TBC1D12: variants seen among roughly 807,000 people sequenced by gnomAD.
TBC1D12 encodes TBC1 domain family member 12, also known as TBC1 domain family, member 12.
A neutral mutation model predicts 86.7 loss-of-function variants in TBC1D12; 56 were observed. The ratio of observed to expected loss-of-function variants is 0.65; its 90% CI spans 0.52 to 0.81. The LOEUF is 0.81. Among genes scored for constraint, TBC1D12 ranks in the 30% least tolerant of loss-of-function variants. The pLI, the probability that TBC1D12 is intolerant of heterozygous loss-of-function variation, is 0.00. For synonymous variants in TBC1D12, 421 were observed against 411.7 expected (o/e 1.02, Z -0.27); for missense variants, 1,023 against 1,038.8 (o/e 0.98, Z 0.21).
At chr10:94,428,750 G>C (rs891219271) in intron 1 of TBC1D12, among the ~76,000 whole-genome samples, 1 of 149,628 alleles carries the variant, frequency 6.7e-6, no homozygotes, top group African/African-American at 2.5e-5. Context: ...TCTCACTGTT[G>C]CCCAGGCTGG....
chr10:94,506,637 C>T (rs2056463829), intron 6 of TBC1D12, among the ~76,000 whole-genome samples: 1 of 152,136 alleles, frequency 6.6e-6, no homozygotes, highest in Non-Finnish European at 1.5e-5. Flanking sequence ...AGTGCCGTGA[C>T]TAGGCACTTA....
intron 2 of TBC1D12, among the ~76,000 whole-genome samples, chr10:94,449,967 T>A (rs2055525540): frequency 6.6e-6 from 1 of 152,192 alleles, no homozygotes; most frequent in Admixed American, 6.5e-5. Context: ...GGCATCAAAG[T>A]GTGGTAGAAT....
rs1230769638 is a variant in TBC1D12, at chr10:94,511,577, C to G, written c.1690-6C>G. 1 of 1,598,264 alleles carries G rather than the reference C, an allele frequency of 6.3e-7. No individual in the cohort carries two copies. Among genetic ancestry groups the G allele is most frequent in the Non-Finnish European group, 8.6e-7 (1 of 1,166,796 alleles). ...ACAGTTTCAAATTTCATTTTTCTCT[C>G]CTAAGGGTGGTCCATATCATGATGT... On this transcript the variant is annotated splice_region_variant and splice_polypyrimidine_tract_variant and intron_variant, in intron 8 of 12. Coordinates refer to ENST00000225235, the MANE Select transcript of TBC1D12 (RefSeq NM_015188.2).
chr10:94,442,668 A>G (rs952116707), intron 2 of TBC1D12, among the ~76,000 whole-genome samples: 4 of 152,226 alleles, frequency 2.6e-5, no homozygotes, highest in Admixed American at 1.3e-4. Flanking sequence ...GACTGGATCA[A>G]TCTGCAGTGT....
chr10:94,443,892 G>T (rs1041149652), intron 2 of TBC1D12, among the ~76,000 whole-genome samples: 77 of 152,312 alleles, frequency 5.1e-4, no homozygotes, highest in Non-Finnish European at 9.7e-4. Flanking sequence ...GAATGAGGCC[G>T]AGTATAGTGG....
At position 94,447,072 on chromosome 10, in the gene TBC1D12, A is replaced by AC. The variant is rs1161693121; in HGVS notation, c.1095+5053_1095+5054insC. On this transcript the variant is annotated intron_variant, in intron 2 of 12. Transcript: ENST00000225235. The stretch of plus-strand genomic sequence containing the variant: ...TGAGCTGTTTCAAAAAAAAAAAAAA[A>AC]AAAACCTTTTTTATGTATTATTAGT... Among the ~76,000 whole-genome samples, 23 of 151,886 alleles carry AC rather than the reference A, an allele frequency of 1.5e-4. 1 individual carries two copies. The South Asian group carries it at 3.5e-3, about 23-fold the overall frequency.
rs536319776 is a variant in TBC1D12, at chr10:94,500,478, G to A, written c.1519+151G>A. The A allele has an allele frequency of 1.3e-4, 67 of 503,788 alleles. No homozygotes were observed. In the South Asian group the frequency reaches 3.2e-3, roughly 24 times the overall value. The allele number at this position is 503,788 out of a possible 1,614,324, so 31.2% of individuals were successfully genotyped here. Reference sequence around the variant, plus strand: ...TGCTTCATCCCCCTGTTATGAAGCAGGTTATTAAACCTGTTATGATTTAAT... The same window carrying A: ...TGCTTCATCCCCCTGTTATGAAGCAAGTTATTAAACCTGTTATGATTTAAT... On this transcript the variant is annotated intron_variant, in intron 6 of 12. Transcript: ENST00000225235.
At chr10:94,458,970 G>C (rs139920655) in intron 2 of TBC1D12, among the ~76,000 whole-genome samples, 1 of 152,112 alleles carries the variant, frequency 6.6e-6, no homozygotes, top group Non-Finnish European at 1.5e-5. Context: ...CTTCCACAGC[G>C]TGGAAGGGGA....
At chr10:94,516,310 A>G (rs1277186466) in intron 9 of TBC1D12, among the ~76,000 whole-genome samples, 1 of 152,210 alleles carries the variant, frequency 6.6e-6, no homozygotes, top group Non-Finnish European at 1.5e-5. Context: ...TATTACAATT[A>G]TTAGTATAAC....
intron 4 of TBC1D12, among the ~76,000 whole-genome samples, chr10:94,494,279 C>T (rs1425797119): frequency 6.6e-6 from 1 of 152,090 alleles, no homozygotes; most frequent in African/African-American, 2.4e-5. Context: ...CAGCTGTATA[C>T]ATTTTTAGAC....
chr10:94,408,291 C>T (rs779586788), intron 1 of TBC1D12, among the ~76,000 whole-genome samples: 77 of 152,002 alleles, frequency 5.1e-4, no homozygotes, highest in Admixed American at 2.8e-3. Context: ...AGAAAATTGA[C>T]TTTATAGATT....
intron 1 of TBC1D12, among the ~76,000 whole-genome samples, chr10:94,441,498 T>C (rs1473911995): frequency 6.6e-6 from 1 of 152,216 alleles, no homozygotes; most frequent in African/African-American, 2.4e-5. Context: ...ATCTTATTTA[T>C]GGCTATCATT....
At chr10:94,531,830 TTA>T (rs1298745742) in intron 12 of TBC1D12, among the ~76,000 whole-genome samples, 1 of 148,126 alleles carries the variant, frequency 6.8e-6, no homozygotes, top group African/African-American at 2.5e-5. Flanking sequence ...TTATTTTATT[TTA>T]TGTTATTTTA....
chr10:94,525,010 A>G (rs1842249899), intron 11 of TBC1D12, among the ~76,000 whole-genome samples: 1 of 151,966 alleles, frequency 6.6e-6, no homozygotes, highest in African/African-American at 2.4e-5. Context: ...TGAAATTTTG[A>G]TAGGCTTGAG....
At chr10:94,413,538 C>T (rs2054955281) in intron 1 of TBC1D12, among the ~76,000 whole-genome samples, 1 of 152,156 alleles carries the variant, frequency 6.6e-6, no homozygotes, top group Non-Finnish European at 1.5e-5. Flanking sequence ...TTCAGCCTTT[C>T]TTATGCTTCT....
At chr10:94,480,772 G>A (rs1463064850) in intron 3 of TBC1D12, among the ~76,000 whole-genome samples, 1 of 151,320 alleles carries the variant, frequency 6.6e-6, no homozygotes, top group African/African-American at 2.4e-5. Flanking sequence ...AGCTACTTGG[G>A]AGGCTGAGGT....
Position 94,402,843 on chromosome 10 carries a change from C to A in TBC1D12, c.230C>A (p.Ala77Asp). The A allele has an allele frequency of 6.5e-7, 1 of 1,536,082 alleles. No homozygotes were observed. The highest frequency in any genetic ancestry group is 1.4e-5 in the African/African-American group (1 of 71,908). Residue 77 changes from alanine to aspartate, a missense_variant, in exon 1 of 13, where the codon GCC becomes GAC. This residue lies in a region of TBC1D12 where 628 missense variants were observed against 531.1 expected (regional missense o/e 1.18). Transcript: ENST00000225235. ...CTCCTTCAGCGTTACCTCGCGGCGG[C>A]CGGGGAGCAGCTGGAGCCGGGGCTC... is the stretch of plus-strand genomic sequence containing the variant. ...RQLLQRYLAA[A>D]GEQLEPGLCY...
At chr10:94,515,989 C>G (rs1418116309) in intron 9 of TBC1D12, among the ~76,000 whole-genome samples, 1 of 152,142 alleles carries the variant, frequency 6.6e-6, no homozygotes, top group Non-Finnish European at 1.5e-5. Context: ...ATTTTACCAC[C>G]CTATTTAGAA....
chr10:94,447,591 C>G (rs1347811608), intron 2 of TBC1D12: 4 of 982,640 alleles, frequency 4.1e-6, no homozygotes, highest in Non-Finnish European at 4.8e-6. Flanking sequence ...CAAGAACATT[C>G]CTAGTATTAC....
Sources: gnomAD v4.1 joint callset for allele counts (sites outside exome capture counted in the v4.1 genomes callset) on GRCh38, gnomAD v4.1.1 for gene constraint, gnomAD v4.1.1 regional missense constraint, MANE v1.5 for transcripts, NCBI Gene and HGNC (gene_info 2026-07-23, HGNC 2026-07-21) for gene names.